Variants in ZFPM1 observed in about 807,000 individuals in gnomAD.
The protein encoded by ZFPM1 is zinc finger protein ZFPM1.
In ZFPM1, 28 loss-of-function variants were observed where a neutral mutation model predicts 46.3. The ratio of observed to expected loss-of-function variants is 0.60; its 90% CI spans 0.45 to 0.83. ZFPM1 has a LOEUF of 0.83. Ranked by LOEUF, ZFPM1 falls within the 40% of genes least tolerant of loss-of-function variation. ZFPM1 has a pLI of 0.00. For missense variants in ZFPM1, 1,878 were observed against 1,432.4 expected (o/e 1.31, Z -5.02); for synonymous variants, 957 against 675.9 (o/e 1.42, Z -6.45).
chr16:88,490,774 A>C (rs1799582826), intron 3 of ZFPM1, among the ~76,000 whole-genome samples: 3 of 152,140 alleles, frequency 2.0e-5, no homozygotes, highest in Non-Finnish European at 4.4e-5. Context: ...GGGGCTGCCC[A>C]AGGCAATGCT....
chr16:88,526,067 C>T (rs561981265), intron 4 of ZFPM1, among the ~76,000 whole-genome samples: 3 of 152,296 alleles, frequency 2.0e-5, no homozygotes, highest in African/African-American at 2.4e-5. Flanking sequence ...GCCAGGGGGG[C>T]CAGGGCCGAT....
intron 3 of ZFPM1, among the ~76,000 whole-genome samples, chr16:88,498,594 G>T (rs559558295): frequency 2.1e-4 from 32 of 152,340 alleles, no homozygotes; most frequent in African/African-American, 7.2e-4. Flanking sequence ...ATGTCCGAGG[G>T]GCAGGCAGAG....
intron 1 of ZFPM1, among the ~76,000 whole-genome samples, chr16:88,455,233 C>T (rs1907491681): frequency 1.3e-5 from 2 of 151,620 alleles, no homozygotes. Context: ...GGTTGGAAAC[C>T]GATCTCCAGC....
At position 88,502,128 on chromosome 16, in the gene ZFPM1, C is replaced by T. The variant is rs544971208; in HGVS notation, c.269-12259C>T. ...TTTATTTATCTCTCCTCCTTCTCTG[C>T]GTGTAACTTTTTATTTCCTCACTGC... is the stretch of plus-strand genomic sequence containing the variant. On this transcript the variant is annotated intron_variant, in intron 3 of 9. Transcript: ENST00000319555. 1.4e-4 allele frequency among the ~76,000 whole-genome samples: 19 copies of T among 136,618 alleles called. No individual in the cohort carries two copies. The East Asian group carries it at 3.4e-3, about 24-fold the overall frequency. The allele number at this position is 136,618 out of a possible 152,430, so 89.6% of individuals were successfully genotyped here.
chr16:88,523,178 G>T (rs938553424), intron 4 of ZFPM1, among the ~76,000 whole-genome samples: 1 of 149,678 alleles, frequency 6.7e-6, no homozygotes, highest in Admixed American at 6.7e-5. Context: ...CGCACTCCAG[G>T]CTGGGGGACA....
chr16:88,489,320 G>C lies in ZFPM1; in HGVS notation c.268+167G>C, dbSNP rs868102742. On this transcript the variant is annotated intron_variant, in intron 3 of 9. Transcript: ENST00000319555. The stretch of plus-strand genomic sequence containing the variant: ...GCTCAGCCAACCCGTGCAGCTGGTG[G>C]TATCACTGGAGCTTGGCACCCTCGC... 17 of 1,138,242 alleles carry C rather than the reference G, an allele frequency of 1.5e-5. 1 individual carries two copies. The South Asian group carries it at 2.9e-4, about 19-fold the overall frequency. 70.5% of individuals were successfully genotyped at this position (1,138,242 alleles called of 1,614,324 possible). A position where few individuals can be genotyped will look rare whatever the true frequency, so the allele number is the denominator to read the frequency against.
chr16:88,461,517 C>G (rs1907890190), intron 1 of ZFPM1, among the ~76,000 whole-genome samples: 1 of 152,168 alleles, frequency 6.6e-6, no homozygotes, highest in Non-Finnish European at 1.5e-5. Flanking sequence ...GCCTCTGTTT[C>G]TCTCTTGAAG....
In ZFPM1 at chr16:88,497,194, C is replaced by G. The variant is rs1019608510; in HGVS notation, c.268+8041C>G. On this transcript the variant is annotated intron_variant, in intron 3 of 9. Coordinates refer to ENST00000319555, the MANE Select transcript of ZFPM1 (RefSeq NM_153813.3). This position sits in a 1 kb window ranked among gnomAD's most constrained non-coding sequence, Gnocchi z 5.4. ...GGCCATGTCCCCAGGGCACTGCTGG[C>G]CAGTAGAAGGGATGCCCGAGTGTCA... is the stretch of plus-strand genomic sequence containing the variant. 2.6e-5 allele frequency among the ~76,000 whole-genome samples: 4 copies of G among 152,208 alleles called. No homozygotes were observed. The highest frequency in any genetic ancestry group is 9.6e-5 in the African/African-American group (4 of 41,452).
At chr16:88,514,337 G>A (rs1360788134) in intron 3 of ZFPM1, 50 bp from the exon 4 acceptor site, 2 of 1,548,638 alleles carry the variant, frequency 1.3e-6, no homozygotes. Context: ...GAGGTGGGCT[G>A]GACAGGCCCC....
chr16:88,458,591 C>A (rs551939866), intron 1 of ZFPM1, among the ~76,000 whole-genome samples: 90 of 152,356 alleles, frequency 5.9e-4, no homozygotes, highest in African/African-American at 2.1e-3. Flanking sequence ...CTCCCGCTGG[C>A]CTATCTGCCA....
chr16:88,534,302 G>C lies in ZFPM1; in HGVS notation c.2344G>C (p.Ala782Pro). 8.0e-7 allele frequency: 1 copy of C among 1,254,680 alleles called. No homozygotes were observed. Among genetic ancestry groups the C allele is most frequent in the Non-Finnish European group, 1.0e-6 (1 of 1,001,650 alleles). The allele number at this position is 1,254,680 out of a possible 1,614,324, so 77.7% of individuals were successfully genotyped here. ...GSGSGSGPGL[A>P]PARSPGPAAD... ...CGGAAGCGGAAGCGGCCCCGGCCTCGCCCCTGCGCGCTCGCCCGGCCCCGC... is the reference window on the plus strand; with the variant it reads ...CGGAAGCGGAAGCGGCCCCGGCCTCCCCCCTGCGCGCTCGCCCGGCCCCGC... Residue 782 changes from alanine (A) to proline (P), a missense_variant, in exon 10 of 10, where the codon GCC becomes CCC. Ala to Pro is a conservative substitution (Grantham distance 27). Coordinates refer to ENST00000319555, the MANE Select transcript of ZFPM1 (RefSeq NM_153813.3).
chr16:88,534,334 C>T lies in ZFPM1; in HGVS notation c.2376C>T (p.Asp792=), dbSNP rs1913097611. 3.7e-6 allele frequency: 5 copies of T among 1,364,614 alleles called. No individual in the cohort carries two copies. Among genetic ancestry groups the T allele is most frequent in the Non-Finnish European group, 3.8e-6 (4 of 1,059,832 alleles). 84.5% of individuals were successfully genotyped at this position (1,364,614 alleles called of 1,614,324 possible). A position where few individuals can be genotyped will look rare whatever the true frequency, so the allele number is the denominator to read the frequency against. ...APARSPGPAA[D]GPIDLSKKPR... The stretch of plus-strand genomic sequence containing the variant: ...CGCGCTCGCCCGGCCCCGCGGCCGA[C>T]GGCCCCATCGACCTGAGCAAGAAGC... Residue 792 remains aspartate, a synonymous_variant, in exon 10 of 10, where the codon GAC becomes GAT. Coordinates refer to ENST00000319555, the MANE Select transcript of ZFPM1 (RefSeq NM_153813.3).
intron 4 of ZFPM1, among the ~76,000 whole-genome samples, chr16:88,525,430 G>C (rs1912237640): frequency 6.6e-6 from 1 of 152,254 alleles, no homozygotes; most frequent in African/African-American, 2.4e-5. Flanking sequence ...GCCAGCGGCA[G>C]CATTTGTAGG....
At chr16:88,502,064 CCATTTATTTA>C (rs1910383730) in intron 3 of ZFPM1, among the ~76,000 whole-genome samples, 1 of 127,314 alleles carries the variant, frequency 7.9e-6, no homozygotes, top group African/African-American at 3.0e-5. Flanking sequence ...CCGCCCCCCC[CCATTTATTTA>C]TTTATTTATT....
In ZFPM1 at chr16:88,528,230, T is replaced by A; in HGVS notation, c.704T>A (p.Val235Glu). The stretch of plus-strand genomic sequence containing the variant: ...ATGGCCTCCATCCTTGCCACCGCAG[T>A]GATCAACAGTAAGTGCTGGGCTCTC... ...AGMASILATAVINKDVFPCKD... is the reference protein window; with the variant it reads ...AGMASILATAEINKDVFPCKD... The change falls in exon 6 of 10, where the codon GTG becomes GAG. Residue 235 changes from valine (V) to glutamate (E), a missense_variant. Val to Glu is a moderately radical substitution (Grantham distance 121). Transcript: ENST00000319555. The A allele has an allele frequency of 6.2e-7, 1 of 1,606,432 alleles. No homozygotes were observed.
chr16:88,482,010 T>C (rs919745568), intron 1 of ZFPM1, among the ~76,000 whole-genome samples: 1 of 152,170 alleles, frequency 6.6e-6, no homozygotes, highest in African/African-American at 2.4e-5. Context: ...ACCGGGAAAC[T>C]GAGCACAGAG....
rs375215492 is a variant in ZFPM1 at position 88,486,791 on chromosome 16, G to A, written c.145+748G>A. Among the ~76,000 whole-genome samples the A allele has an allele frequency of 4.0e-4, 61 of 150,858 alleles. No individual in the cohort carries two copies. In the East Asian group the frequency reaches 5.6e-3, roughly 14 times the overall value. On this transcript the variant is annotated intron_variant, in intron 2 of 9. Transcript: ENST00000319555. Reference sequence around the variant, plus strand: ...TACTGGGTGCAAGTGGGTGCTGGGTGCACAGTGGATGCTGGGTGCACAGCA... The same window carrying A: ...TACTGGGTGCAAGTGGGTGCTGGGTACACAGTGGATGCTGGGTGCACAGCA...
Position 88,535,360 on chromosome 16 carries a change from C to G in ZFPM1, c.*381C>G, listed in dbSNP as rs1459887274. ...ACACACTGAACCACTGCAGGGCCAG[C>G]CGCTCTGGGCCTACCCCACCCCAGC... On this transcript the variant is annotated 3_prime_UTR_variant, in exon 10 of 10. Coordinates refer to ENST00000319555, the MANE Select transcript of ZFPM1 (RefSeq NM_153813.3). The G allele has an allele frequency of 6.1e-6, 1 of 163,904 alleles. No individual in the cohort carries two copies. The highest frequency in any genetic ancestry group is 2.4e-5 in the African/African-American group (1 of 41,910). The allele number at this position is 163,904 out of a possible 1,614,324, so 10.2% of individuals were successfully genotyped here.
chr16:88,495,957 G>A (rs1460070125), intron 3 of ZFPM1, among the ~76,000 whole-genome samples: 8 of 152,194 alleles, frequency 5.3e-5, no homozygotes, highest in African/African-American at 9.6e-5. Flanking sequence ...AGGGCAAAGC[G>A]TGGCCGCATT....
Sources: gnomAD v4.1 joint callset for allele counts (sites outside exome capture counted in the v4.1 genomes callset) on GRCh38, gnomAD v4.1.1 for gene constraint, Gnocchi (gnomAD v3.1) non-coding constraint, MANE v1.5 for transcripts, NCBI Gene and HGNC (gene_info 2026-07-23, HGNC 2026-07-21) for gene names.